Variants in MAP3K19 observed in about 807,000 individuals in gnomAD.
MAP3K19 encodes SPS1/STE20-related protein kinase YSK4.
A neutral mutation model predicts 114.4 loss-of-function variants in MAP3K19; 91 were observed. The observed-to-expected ratio is 0.80, with a 90% CI of 0.67 to 0.95. MAP3K19 has a LOEUF of 0.95. Ranked by LOEUF, MAP3K19 falls within the 40% of genes least tolerant of loss-of-function variation. MAP3K19 has a pLI of 0.00. For missense variants in MAP3K19, 1,471 were observed against 1,573.2 expected (o/e 0.94, Z 1.10); for synonymous variants, 518 against 530.5 (o/e 0.98, Z 0.32).
intron 1 of MAP3K19, 94 bp from the exon 2 acceptor site, chr2:135,040,596 A>C (rs1392540386): frequency 6.6e-6 from 1 of 152,586 alleles, no homozygotes; most frequent in Non-Finnish European, 1.5e-5. Flanking sequence ...AGAGCCAGCA[A>C]AGCTGTGAGT....
At chr2:134,997,817 C>CAAAGAAAAAAAAAAAAAAAAAAAAAAAA (rs1686115411) in intron 8 of MAP3K19, among the ~76,000 whole-genome samples, 1 of 91,010 alleles carries the variant, frequency 1.1e-5, no homozygotes, top group African/African-American at 4.1e-5. Context: ...GACTCCGTCT[C>CAAAGAAAAAAAAAAAAAAAAAAAAAAAA]AAAAAAAAAA....
chr2:135,000,080 G>A (rs1040030051), intron 6 of MAP3K19, 65 bp from the exon 7 acceptor site: 47 of 1,076,012 alleles, frequency 4.4e-5, no homozygotes, highest in African/African-American at 6.2e-5. Flanking sequence ...AGCGGGAGAC[G>A]TACTTTATTT....
chr2:134,981,065 A>C lies in MAP3K19; in HGVS notation c.3676T>G (p.Ser1226Ala), dbSNP rs763233538. Residue 1226 changes from serine to alanine, a missense_variant, in exon 12 of 13, where the codon TCC becomes GCC. Coordinates refer to ENST00000392915, the MANE Select transcript of MAP3K19 (RefSeq NM_025052.5). ...ATCCAATATGGAGTCCCATGCATGG[A>C]CTTAAGCATGTCACTGTGGGTGCCA... is the stretch of plus-strand genomic sequence containing the variant. ...LNGTHSDMLK[S>A]MHGTPYWMAP... 5 of 1,614,194 alleles carry C rather than the reference A, an allele frequency of 3.1e-6. No homozygotes were observed. Among genetic ancestry groups the C allele is most frequent in the Non-Finnish European group, 4.2e-6 (5 of 1,180,024 alleles).
intron 9 of MAP3K19, among the ~76,000 whole-genome samples, chr2:134,990,814 A>G (rs1447017144): frequency 2.0e-5 from 3 of 152,072 alleles, no homozygotes; most frequent in Non-Finnish European, 4.4e-5. Context: ...TCTTGGCTTT[A>G]TTGTAAGAAT....
intron 5 of MAP3K19, among the ~76,000 whole-genome samples, chr2:135,014,899 T>C (rs1687479585): frequency 6.6e-6 from 1 of 152,246 alleles, no homozygotes; most frequent in Admixed American, 6.5e-5. Context: ...CATTTATGTG[T>C]AGTTTTACAC....
intron 6 of MAP3K19, among the ~76,000 whole-genome samples, chr2:135,003,271 T>C (rs1487445249): frequency 6.6e-6 from 1 of 152,218 alleles, no homozygotes; most frequent in African/African-American, 2.4e-5. Context: ...TTTGGCAGCA[T>C]GAGTGGACTA....
At chr2:135,005,144 A>C (rs1559172404) in intron 6 of MAP3K19, among the ~76,000 whole-genome samples, 1 of 152,052 alleles carries the variant, frequency 6.6e-6, no homozygotes, top group African/African-American at 2.4e-5. Flanking sequence ...ATTTATTATA[A>C]TTTTTTTAAC....
Position 134,981,029 on chromosome 2 carries a change from C to T in MAP3K19, c.3712G>A (p.Val1238Ile), listed in dbSNP as rs1386618134. 2 of 1,614,218 alleles carry T rather than the reference C, an allele frequency of 1.2e-6. No homozygotes were observed. Among genetic ancestry groups the T allele is most frequent in the Admixed American group, 3.3e-5 (2 of 60,020 alleles). ...HGTPYWMAPEVINESGYGRKS... is the reference protein window; with the variant it reads ...HGTPYWMAPEIINESGYGRKS... ...CGTCCATAGCCAGACTCATTGATGA[C>T]TTCTGGGGCCATCCAATATGGAGTC... The change falls in exon 12 of 13, where the codon GTC becomes ATC. Residue 1238 changes from valine (V) to isoleucine (I), a missense_variant. Physicochemically the swap from Val to Ile is conservative, Grantham distance 29 (BLOSUM62 3). Transcript: ENST00000392915.
intron 1 of MAP3K19, among the ~76,000 whole-genome samples, chr2:135,046,600 A>AT (rs1688750806): frequency 6.6e-6 from 1 of 152,092 alleles, no homozygotes; most frequent in African/African-American, 2.4e-5. Flanking sequence ...TTGGTCAATG[A>AT]TTTTTGAGGA....
chr2:135,045,158 T>C (rs1411370574), intron 1 of MAP3K19, among the ~76,000 whole-genome samples: 1 of 152,228 alleles, frequency 6.6e-6, no homozygotes, highest in Admixed American at 6.5e-5. Context: ...CAGATTGTCC[T>C]CCAGAATGGC....
intron 8 of MAP3K19, 135 bp from the exon 9 acceptor site, chr2:134,991,715 T>C: frequency 2.8e-6 from 2 of 708,184 alleles, no homozygotes; most frequent in Non-Finnish European, 2.4e-6. Flanking sequence ...GTTTCCCCTG[T>C]GGAATTCACA....
Position 134,981,468 on chromosome 2 carries a change from C to G in MAP3K19, c.3273G>C (p.Val1091=), listed in dbSNP as rs751138453. ...SQGQLIAVKQ[V]ALDTSNKLAA... is the part of the protein sequence containing the mutation. The stretch of plus-strand genomic sequence containing the variant: ...CTAATTTATTAGAGGTATCCAAAGC[C>G]ACCTGTTTTACAGCTATTAGCTGTC... The change falls in exon 12 of 13, where the codon GTG becomes GTC. Residue 1091 remains valine, a synonymous_variant. Transcript: ENST00000392915. 9.3e-6 allele frequency: 15 copies of G among 1,614,058 alleles called. No individual in the cohort carries two copies. The highest frequency in any genetic ancestry group is 1.0e-5 in the Non-Finnish European group (12 of 1,180,042).
chr2:134,968,494 C>G (rs912294257), intron 12 of MAP3K19, among the ~76,000 whole-genome samples: 2 of 144,338 alleles, frequency 1.4e-5, no homozygotes, highest in African/African-American at 2.7e-5. Context: ...GGGGGCTGAC[C>G]CCCCACCTCC....
intron 5 of MAP3K19, among the ~76,000 whole-genome samples, chr2:135,017,897 A>G (rs2105356353): frequency 6.6e-6 from 1 of 152,300 alleles, no homozygotes; most frequent in East Asian, 1.9e-4. Flanking sequence ...CTGTTGTTTT[A>G]TGTACCACTA....
chr2:135,013,717 C>A (rs567840332), intron 5 of MAP3K19, among the ~76,000 whole-genome samples: 1 of 152,098 alleles, frequency 6.6e-6, no homozygotes, highest in South Asian at 2.1e-4. Flanking sequence ...ATTTATCAGA[C>A]AACAATATCT....
chr2:134,973,992 C>CT (rs902574338), intron 12 of MAP3K19, among the ~76,000 whole-genome samples: 23 of 149,240 alleles, frequency 1.5e-4, no homozygotes, highest in African/African-American at 3.2e-4. Context: ...CCTTTCAAAA[C>CT]TTTTTTTTTT....
chr2:135,020,486 AT>A (rs1218367133), intron 5 of MAP3K19, among the ~76,000 whole-genome samples: 1 of 151,946 alleles, frequency 6.6e-6, no homozygotes, highest in Non-Finnish European at 1.5e-5. Flanking sequence ...TGACCAGCTA[AT>A]TTTTTTTATT....
chr2:134,969,531 GC>G (rs1683713792), intron 12 of MAP3K19, among the ~76,000 whole-genome samples: 2 of 152,096 alleles, frequency 1.3e-5, no homozygotes, highest in Non-Finnish European at 1.5e-5. Context: ...ATACCTGTGG[GC>G]TATTTGTGTC....
At position 134,987,636 on chromosome 2, in the gene MAP3K19, ATTTCTC is replaced by A; in HGVS notation, c.1230_1235del (p.Met410_Asn412delinsIle). The stretch of plus-strand genomic sequence containing the variant: ...AAACTCTTTTTGAAGCAGCTTTATT[ATTTCTC>A]ATCTCTTCATCCTGGCTTGGAGTTA... On this transcript the variant is annotated inframe_deletion, in exon 10 of 13. Coordinates refer to ENST00000392915, the MANE Select transcript of MAP3K19 (RefSeq NM_025052.5). 6.2e-7 allele frequency: 1 copy of A among 1,613,934 alleles called. No individual in the cohort carries two copies. Among genetic ancestry groups the A allele is most frequent in the Non-Finnish European group, 8.5e-7 (1 of 1,179,980 alleles).
Sources: gnomAD v4.1 joint callset for allele counts (sites outside exome capture counted in the v4.1 genomes callset) on GRCh38, gnomAD v4.1.1 for gene constraint, MANE v1.5 for transcripts, NCBI Gene and HGNC (gene_info 2026-07-23, HGNC 2026-07-21) for gene names.